MAF: variants seen among roughly 807,000 people sequenced by gnomAD.
The protein encoded by MAF is MAF bZIP transcription factor, also known as transcription factor Maf.
Under a neutral mutation model 22.0 loss-of-function variants are expected in MAF, and 10 were observed. That is an observed-to-expected ratio of 0.45 (90% CI 0.28 to 0.77). MAF has a LOEUF of 0.77. MAF is among the 30% of genes least tolerant of loss of function. The probability of loss-of-function intolerance (pLI) is 0.12; values close to 1 mark genes in which losing one functional copy is unlikely to be tolerated. For missense variants in MAF, 544 were observed against 548.4 expected (o/e 0.99, Z 0.08); for synonymous variants, 337 against 255.8 (o/e 1.32, Z -3.03).
At chr16:79,560,434 C>G in the MAF span, among the ~76,000 whole-genome samples, 2 of 149,454 alleles carry the variant, frequency 1.3e-5, no homozygotes, top group African/African-American at 4.9e-5. Context: ...AAAAAAAAAA[C>G]CTGAACTATT....
At chr16:79,549,450 G>A in the MAF span, among the ~76,000 whole-genome samples, 1 of 152,224 alleles carries the variant, frequency 6.6e-6, no homozygotes, top group Non-Finnish European at 1.5e-5. Context: ...GCAAGCTAGA[G>A]CTGTACGTTC....
chr16:79,287,072 G>A, the MAF span, among the ~76,000 whole-genome samples: 1 of 151,038 alleles, frequency 6.6e-6, no homozygotes, highest in Admixed American at 6.6e-5. Context: ...GAACACAAAC[G>A]AACATTCCAG....
At chr16:79,591,014 T>G (rs1913161101), downstream of MAF, among the ~76,000 whole-genome samples, 2 of 152,146 alleles carry the variant, frequency 1.3e-5, no homozygotes. Context: ...CCTGACCTAA[T>G]TTTTCAGGCC....
the MAF span, among the ~76,000 whole-genome samples, chr16:79,269,453 A>G: frequency 6.6e-6 from 1 of 152,120 alleles, no homozygotes; most frequent in Admixed American, 6.5e-5. Flanking sequence ...GAATGGAGGT[A>G]TGGGTGGGTG....
chr16:79,329,920 G>T, the MAF span, among the ~76,000 whole-genome samples: 5 of 151,142 alleles, frequency 3.3e-5, no homozygotes, highest in Non-Finnish European at 7.4e-5. Context: ...ACAGCATAAA[G>T]AACAGACACA....
At chr16:79,265,069 C>T in the MAF span, among the ~76,000 whole-genome samples, 1 of 152,022 alleles carries the variant, frequency 6.6e-6, no homozygotes, top group African/African-American at 2.4e-5. Flanking sequence ...TTTTTTTTAA[C>T]TCTACGAATT....
chr16:79,392,925 G>C, the MAF span, among the ~76,000 whole-genome samples: 37 of 152,318 alleles, frequency 2.4e-4, no homozygotes, highest in Middle Eastern at 3.4e-3. Flanking sequence ...AGCAAATGGA[G>C]ACACCCCAGT....
At chr16:79,456,031 T>TA in the MAF span, among the ~76,000 whole-genome samples, 4 of 151,916 alleles carry the variant, frequency 2.6e-5, no homozygotes, top group African/African-American at 7.3e-5. Flanking sequence ...AAATAAATAT[T>TA]AAAAAAATAA....
At chr16:79,377,705 T>C in the MAF span, among the ~76,000 whole-genome samples, 1 of 152,216 alleles carries the variant, frequency 6.6e-6, no homozygotes, top group Non-Finnish European at 1.5e-5. Context: ...AATTTTTGTA[T>C]AAGGTGTAAG....
chr16:79,453,648 C>T, the MAF span, among the ~76,000 whole-genome samples: 2 of 152,238 alleles, frequency 1.3e-5, no homozygotes, highest in East Asian at 3.9e-4. Context: ...ATTCTTTATC[C>T]CAAACTTTTT....
chr16:79,369,033 T>G, the MAF span, among the ~76,000 whole-genome samples: 3 of 152,308 alleles, frequency 2.0e-5, no homozygotes, highest in Non-Finnish European at 2.9e-5. Context: ...CTTTGGTGGG[T>G]GGTCAGCTCT....
the MAF span, among the ~76,000 whole-genome samples, chr16:79,577,290 C>T: frequency 6.6e-6 from 1 of 152,112 alleles, no homozygotes; most frequent in Admixed American, 6.5e-5. Context: ...GGCACCTGGG[C>T]TCCTACTACA....
downstream of MAF, among the ~76,000 whole-genome samples, chr16:79,592,708 C>T (rs1047825363): frequency 5.3e-5 from 8 of 152,208 alleles, no homozygotes; most frequent in African/African-American, 1.9e-4. Flanking sequence ...CCAAATTATT[C>T]ATTCAGCATC....
At chr16:79,501,500 G>T in the MAF span, among the ~76,000 whole-genome samples, 2 of 152,140 alleles carry the variant, frequency 1.3e-5, no homozygotes, top group Non-Finnish European at 2.9e-5. Flanking sequence ...TAATCTAGCA[G>T]AAGTCTTTAT....
At chr16:79,302,322 A>G in the MAF span, among the ~76,000 whole-genome samples, 2 of 152,330 alleles carry the variant, frequency 1.3e-5, no homozygotes, top group South Asian at 2.1e-4. Context: ...CTAATGAGCA[A>G]TGAATGCTCT....
chr16:79,309,993 G>A, the MAF span, among the ~76,000 whole-genome samples: 1 of 152,190 alleles, frequency 6.6e-6, no homozygotes, highest in Admixed American at 6.5e-5. Context: ...GTGGCTTAAA[G>A]GGCATTATCC....
the MAF span, among the ~76,000 whole-genome samples, chr16:79,284,057 C>T: frequency 6.6e-6 from 1 of 151,426 alleles, no homozygotes; most frequent in South Asian, 2.1e-4. Context: ...TTACCATGTT[C>T]CTCAACTACA....
chr16:79,598,468 A>AG, intron 1 of MAF: 1 of 1,302,318 alleles, frequency 7.7e-7, no homozygotes, highest in East Asian at 3.3e-5. Context: ...AAAAAAAAAA[A>AG]AAACAAGCTA....
the MAF span, among the ~76,000 whole-genome samples, chr16:79,516,514 G>A: frequency 9.9e-5 from 15 of 152,098 alleles, no homozygotes; most frequent in Non-Finnish European, 1.5e-4. Context: ...AATTGTCTAA[G>A]GTCCCAAAGC....
Sources: allele counts gnomAD v4.1 joint callset (sites outside exome capture counted in the v4.1 genomes callset), GRCh38; gene constraint gnomAD v4.1.1; transcripts MANE v1.5; gene names NCBI Gene and HGNC (gene_info 2026-07-23, HGNC 2026-07-21).